TSBP1: variants seen among roughly 807,000 people sequenced by gnomAD.
TSBP1 encodes testis expressed basic protein 1, also known as testis-expressed basic protein 1.
A neutral mutation model predicts 68.8 loss-of-function variants in TSBP1; 56 were observed. The ratio of observed to expected loss-of-function variants is 0.81; its 90% CI spans 0.66 to 1.02. The LOEUF is 1.02. Among genes scored for constraint, TSBP1 ranks in the 50% least tolerant of loss-of-function variants. The probability of loss-of-function intolerance (pLI) is 0.00; values close to 1 mark genes in which losing one functional copy is unlikely to be tolerated. For synonymous variants in TSBP1, 171 were observed against 208.7 expected (o/e 0.82, Z 1.56); for missense variants, 502 against 641.2 (o/e 0.78, Z 2.34).
rs1489368050 is a variant in TSBP1 at position 32,323,625 on chromosome 6, G to A, written c.515-11C>T. The A allele has an allele frequency of 1.9e-6, 3 of 1,612,108 alleles. No individual in the cohort carries two copies. Among genetic ancestry groups the A allele is most frequent in the Non-Finnish European group, 2.5e-6 (3 of 1,179,272 alleles). The stretch of plus-strand genomic sequence containing the variant: ...CTGAAGGTGGACCAGCTGAAAAACA[G>A]AGAGGTATCTTAGCAACTGTTTTTT... On this transcript the variant is annotated splice_polypyrimidine_tract_variant and intron_variant, in intron 16 of 22. Coordinates refer to ENST00000612031, the Ensembl canonical transcript of TSBP1.
intron 19 of TSBP1, among the ~76,000 whole-genome samples, chr6:32,309,018 C>T (rs9268190): frequency 0.21 from 30,922 of 144,612 alleles, 3,433 homozygotes; most frequent in East Asian, 0.23. Flanking sequence ...GGCATGATCA[C>T]GGCTTACTGC....
At chr6:32,355,627 T>C in intron 7 of TSBP1, 22 bp downstream of exon 7, 1 of 1,590,522 alleles carries the variant, frequency 6.3e-7, no homozygotes. Context: ...AAATTTTTGT[T>C]AAGAAGCAAG....
At chr6:32,370,125 T>G (rs1263168397) in intron 1 of TSBP1, 142 bp from the exon 2 acceptor site, 2 of 645,356 alleles carry the variant, frequency 3.1e-6, no homozygotes, top group African/African-American at 3.6e-5. Context: ...ATTCTTTTAT[T>G]TGCCGCATAT....
At chr6:32,334,176 T>C (rs1349299024) in intron 14 of TSBP1, among the ~76,000 whole-genome samples, 1 of 152,148 alleles carries the variant, frequency 6.6e-6, no homozygotes, top group African/African-American at 2.4e-5. Context: ...TTATTCTCTT[T>C]CTCAACATAC....
chr6:32,346,287 TTACAGGC>T, intron 9 of TSBP1, among the ~76,000 whole-genome samples: 1 of 147,886 alleles, frequency 6.8e-6, no homozygotes, highest in African/African-American at 2.5e-5. Flanking sequence ...AGTGCTGGGA[TTACAGGC>T]GTGAGCCACC....
chr6:32,360,886 T>A (rs201235238), intron 6 of TSBP1, among the ~76,000 whole-genome samples: 2 of 151,842 alleles, frequency 1.3e-5, no homozygotes, highest in Non-Finnish European at 2.9e-5. Context: ...TCTCTCTCTT[T>A]TTTTTTATTA....
intron 22 of TSBP1, among the ~76,000 whole-genome samples, chr6:32,294,476 A>G (rs1764494707): frequency 6.6e-6 from 1 of 152,246 alleles, no homozygotes; most frequent in Admixed American, 6.5e-5. Flanking sequence ...TGCAAAAGTA[A>G]TAACAGTACT....
chr6:32,333,069 C>T lies in TSBP1; in HGVS notation c.473-1015G>A, dbSNP rs1340167147. Among the ~76,000 whole-genome samples the T allele has an allele frequency of 1.3e-5, 2 of 151,856 alleles. No homozygotes were observed. Among genetic ancestry groups the T allele is most frequent in the Non-Finnish European group, 2.9e-5 (2 of 67,968 alleles). ...TGTCGCCCAGGCTGGAATGCAGTGGCATGATCTCGGCTCACTGCAACCTCT... is the reference window on the plus strand; with the variant it reads ...TGTCGCCCAGGCTGGAATGCAGTGGTATGATCTCGGCTCACTGCAACCTCT... On this transcript the variant is annotated intron_variant, in intron 14 of 22. Transcript: ENST00000612031. This position sits in a 1 kb window ranked among gnomAD's most constrained non-coding sequence, Gnocchi z 4.2.
chr6:32,323,077 C>G (rs1767808779), intron 18 of TSBP1, 40 bp downstream of exon 19: 1 of 1,497,356 alleles, frequency 6.7e-7, no homozygotes, highest in African/African-American at 1.4e-5. Context: ...ATGAAGGGGA[C>G]CATAGAGAAC....
Position 32,302,904 on chromosome 6 carries a change from G to A in TSBP1, c.581-275C>T, listed in dbSNP as rs1195648599. On this transcript the variant is annotated intron_variant, in intron 19 of 22. Transcript: ENST00000612031. The surrounding 1 kb of genome is among the most constrained non-coding windows in gnomAD (Gnocchi z 5.1). Reference sequence around the variant, plus strand: ...CAGTCAGTTCCCAGTACAGCAGTTAGCGGGACCCTTTTAAAGTGTCAGCAA... The same window carrying A: ...CAGTCAGTTCCCAGTACAGCAGTTAACGGGACCCTTTTAAAGTGTCAGCAA... Among the ~76,000 whole-genome samples the A allele has an allele frequency of 6.6e-6, 1 of 152,162 alleles. No individual in the cohort carries two copies. The highest frequency in any genetic ancestry group is 1.5e-5 in the Non-Finnish European group (1 of 68,038).
At chr6:32,362,053 G>A (rs1773089073) in intron 6 of TSBP1, among the ~76,000 whole-genome samples, 2 of 152,204 alleles carry the variant, frequency 1.3e-5, no homozygotes, top group South Asian at 4.2e-4. Flanking sequence ...CACTTTGGGA[G>A]GCCGAGGTGG....
chr6:32,358,683 C>T (rs905734692), intron 6 of TSBP1, among the ~76,000 whole-genome samples: 5 of 150,048 alleles, frequency 3.3e-5, no homozygotes, highest in Non-Finnish European at 5.9e-5. Flanking sequence ...TTTGTCCTTG[C>T]GATAGTTTGC....
chr6:32,323,817 T>C, intron 16 of TSBP1: 1 of 604,698 alleles, frequency 1.7e-6, no homozygotes, highest in Non-Finnish European at 3.0e-6. Flanking sequence ...GATAGGAAAG[T>C]AAGTGGTTAA....
intron 19 of TSBP1, among the ~76,000 whole-genome samples, chr6:32,309,374 T>G (rs1045916450): frequency 6.6e-6 from 1 of 152,218 alleles, no homozygotes; most frequent in Non-Finnish European, 1.5e-5. Flanking sequence ...TTCTAACTTC[T>G]TTTTGAGTTT....
At chr6:32,363,755 G>T (rs904875107) in intron 6 of TSBP1, among the ~76,000 whole-genome samples, 4 of 151,582 alleles carry the variant, frequency 2.6e-5, no homozygotes, top group Admixed American at 2.6e-4. Context: ...TTTTATATTA[G>T]CATTAAAAGT....
Position 32,347,613 on chromosome 6 carries a change from G to T in TSBP1, c.349+2127C>A, listed in dbSNP as rs117568512. ...CATTTCATTCTCTACCAGAAGCCAG[G>T]GTTGCCTTTTTAAAGCATAAATGTG... On this transcript the variant is annotated intron_variant, in intron 9 of 22. Coordinates refer to ENST00000612031, the Ensembl canonical transcript of TSBP1. Among the ~76,000 whole-genome samples the T allele has an allele frequency of 7.0e-3, 1,064 of 152,154 alleles. 18 individuals are homozygous for T. The highest frequency in any genetic ancestry group is 0.02 in the East Asian group (102 of 5,186).
chr6:32,359,166 T>C (rs1772703333), intron 6 of TSBP1, among the ~76,000 whole-genome samples: 1 of 150,058 alleles, frequency 6.7e-6, no homozygotes, highest in South Asian at 2.1e-4. Context: ...TACCCAGTAA[T>C]GGGATGGCTG....
chr6:32,329,174 A>C (rs1768627142), intron 16 of TSBP1, among the ~76,000 whole-genome samples: 1 of 152,196 alleles, frequency 6.6e-6, no homozygotes, highest in Non-Finnish European at 1.5e-5. Context: ...AAATAGCAAT[A>C]TATTTTTCAT....
intron 6 of TSBP1, among the ~76,000 whole-genome samples, chr6:32,362,288 CAAAA>C (rs9257083): frequency 9.9e-6 from 1 of 101,324 alleles, no homozygotes; most frequent in Non-Finnish European, 1.9e-5. Context: ...GACTCCGTCT[CAAAA>C]AAAAAAAAAA....
Sources: allele counts gnomAD v4.1 joint callset (sites outside exome capture counted in the v4.1 genomes callset), GRCh38; gene constraint gnomAD v4.1.1; non-coding constraint Gnocchi (gnomAD v3.1); transcripts MANE v1.5; gene names NCBI Gene and HGNC (gene_info 2026-07-23, HGNC 2026-07-21).